PLXNB2: variants seen among roughly 807,000 people sequenced by gnomAD.
PLXNB2 encodes the protein plexin B2, also known as plexin-B2.
In PLXNB2, 85 loss-of-function variants were observed where a neutral mutation model predicts 202.6. The observed-to-expected ratio is 0.42, with a 90% CI of 0.35 to 0.50. PLXNB2 has a LOEUF of 0.50. Ranked by LOEUF, PLXNB2 falls within the 20% of genes least tolerant of loss-of-function variation. The pLI, the probability that PLXNB2 is intolerant of heterozygous loss-of-function variation, is 0.02. For missense variants in PLXNB2, 2,063 were observed against 2,586.2 expected, an observed-to-expected ratio of 0.80 and a Z score of 4.39; for synonymous variants, 1,239 against 1,137.6, an observed-to-expected ratio of 1.09 and a Z score of -1.79.
rs115683129 is a variant in PLXNB2 at position 50,286,996 on chromosome 22, G to A, written c.1762+115C>T. The A allele has an allele frequency of 3.8e-4, 411 of 1,071,724 alleles. 1 individual carries two copies. In the African/African-American group the frequency reaches 5.1e-3, roughly 13 times the overall value. 66.4% of individuals were successfully genotyped at this position (1,071,724 alleles called of 1,614,324 possible). A position where few individuals can be genotyped will look rare whatever the true frequency, so the allele number is the denominator to read the frequency against. ...TTCAGGCTGGGCCCCCGGAGCAGCC[G>A]CGGAGTGTGCCTGTGCAGAGCCTGC... On this transcript the variant is annotated intron_variant, in intron 8 of 36. Transcript: ENST00000359337.
intron 36 of PLXNB2, 35 bp from the exon 37 acceptor site, chr22:50,275,843 C>A (rs1376802679): frequency 3.7e-6 from 6 of 1,607,174 alleles, no homozygotes; most frequent in Non-Finnish European, 5.1e-6. Context: ...CACCGGGGGA[C>A]CGCCCAGCAC....
At chr22:50,300,168 G>A (rs2067590678) in intron 1 of PLXNB2, 1 of 692,320 alleles carries the variant, frequency 1.4e-6, no homozygotes, top group Admixed American at 6.3e-5. Flanking sequence ...ACCTCACCAG[G>A]CCGGGGGCCC....
chr22:50,294,852 G>T, intron 1 of PLXNB2, 74 bp from the exon 2 acceptor site: 2 of 744,730 alleles, frequency 2.7e-6, no homozygotes, highest in Non-Finnish European at 3.3e-6. Context: ...TCTGTCCCAT[G>T]CTGGTGGGGC....
chr22:50,283,693 T>C lies in PLXNB2; in HGVS notation c.2479A>G (p.Asn827Asp), dbSNP rs534546225. The C allele has an allele frequency of 1.8e-4, 283 of 1,612,764 alleles. 5 individuals are homozygous for C. The South Asian group carries it at 2.9e-3, about 17-fold the overall frequency. Residue 827 changes from asparagine (N) to aspartate (D), a missense_variant, in exon 15 of 37, where the codon AAT (asparagine) becomes GAT (aspartate). By Grantham distance (23) the Asn-to-Asp change is conservative. Transcript: ENST00000359337. ...ATGTCCCCTGCTTGGACGCCCAAATTGGACCCCAGGATGGTGATGCGGATG... is the reference window on the plus strand; with the variant it reads ...ATGTCCCCTGCTTGGACGCCCAAATCGGACCCCAGGATGGTGATGCGGATG... ...GGIRITILGS[N>D]LGVQAGDIQR...
intron 2 of PLXNB2, 80 bp from the exon 3 acceptor site, chr22:50,290,677 C>T (rs566556822): frequency 7.1e-5 from 100 of 1,399,730 alleles, no homozygotes; most frequent in East Asian, 2.0e-4. Flanking sequence ...CTGCCCCAAA[C>T]GTCAGAACAT....
In PLXNB2 at chr22:50,281,940, C is replaced by T. The variant is rs534307672; in HGVS notation, c.3259G>A (p.Gly1087Arg). 4.6e-5 allele frequency: 74 copies of T among 1,612,940 alleles called. No homozygotes were observed. Among genetic ancestry groups the T allele is most frequent in the Non-Finnish European group, 5.5e-5 (65 of 1,180,002 alleles). The part of the protein sequence containing the change: ...GHRALLRTEA[G>R]AFEYVPDPTF... ...GGGTCAGGCACGTACTCGAAGGCCC[C>T]GGCCTCTGTTCTGAGCAGGGCACGG... Residue 1087 changes from glycine to arginine, a missense_variant, in exon 20 of 37, where the codon GGG (glycine) becomes AGG (arginine). Gly to Arg is a moderately radical substitution (Grantham distance 125). Coordinates refer to ENST00000359337, the MANE Select transcript of PLXNB2 (RefSeq NM_012401.4).
chr22:50,302,624 G>A (rs975532397), intron 1 of PLXNB2, among the ~76,000 whole-genome samples: 1 of 152,180 alleles, frequency 6.6e-6, no homozygotes, highest in Non-Finnish European at 1.5e-5. Flanking sequence ...AGTCCCTCAG[G>A]GTGGTCACCA....
In PLXNB2 at chr22:50,303,588, C is replaced by T. The variant is rs1051487156; in HGVS notation, c.-74+3965G>A. ...CAGGGGGCCGTGTTCACACAGGAGGCCTTCTCAGAGGTGGACACCAAGCAC... is the reference window on the plus strand; with the variant it reads ...CAGGGGGCCGTGTTCACACAGGAGGTCTTCTCAGAGGTGGACACCAAGCAC... On this transcript the variant is annotated intron_variant, in intron 1 of 36. Transcript: ENST00000359337. Among the ~76,000 whole-genome samples the T allele has an allele frequency of 4.6e-5, 7 of 152,276 alleles. No individual in the cohort carries two copies. The South Asian group carries it at 1.2e-3, about 27-fold the overall frequency.
rs1398010637 is a variant in PLXNB2, at chr22:50,289,479, G to A, written c.1068+38C>T. 9.0e-6 allele frequency: 14 copies of A among 1,547,904 alleles called. No homozygotes were observed. The South Asian group carries it at 1.5e-4, about 17-fold the overall frequency. ...CACGCAAACCCACGAACGGACGCCT[G>A]CAGTCCGGGCCCTGCGAGAACACAC... On this transcript the variant is annotated intron_variant, in intron 3 of 36. Coordinates refer to ENST00000359337, the MANE Select transcript of PLXNB2 (RefSeq NM_012401.4). This position sits in a 1 kb window ranked among gnomAD's most constrained non-coding sequence, Gnocchi z 8.0.
chr22:50,300,414 C>T (rs2067609216), intron 1 of PLXNB2: 1 of 694,722 alleles, frequency 1.4e-6, no homozygotes, highest in South Asian at 6.4e-5. Flanking sequence ...CTCGGCCCCT[C>T]CCGGCCCAGC....
intron 2 of PLXNB2, 26 bp from the exon 3 acceptor site, chr22:50,290,623 G>T: frequency 3.3e-6 from 5 of 1,532,546 alleles, no homozygotes; most frequent in Non-Finnish European, 4.4e-6. Flanking sequence ...AGGGTCAGGG[G>T]AGCCCCGACC....
At chr22:50,292,849 G>A (rs867387499) in intron 2 of PLXNB2, among the ~76,000 whole-genome samples, 3 of 152,220 alleles carry the variant, frequency 2.0e-5, no homozygotes, top group East Asian at 3.8e-4. Flanking sequence ...GTGAGACAGC[G>A]CTGCACTGGC....
Position 50,276,001 on chromosome 22 carries a change from T to C in PLXNB2, c.5338-38A>G, listed in dbSNP as rs762794919. The C allele has an allele frequency of 5.0e-6, 8 of 1,589,148 alleles. No individual in the cohort carries two copies. In the East Asian group the frequency reaches 6.7e-5, roughly 13 times the overall value. On this transcript the variant is annotated intron_variant, in intron 35 of 36. Coordinates refer to ENST00000359337, the MANE Select transcript of PLXNB2 (RefSeq NM_012401.4). ...GGGACAGTCAGGGTGGAAAAGGGGC[T>C]GTGGGAGCCCCAGGGCTGGCAGGAG...
chr22:50,281,525 G>T (rs369407868), intron 21 of PLXNB2, 26 bp from the exon 22 acceptor site: 1 of 1,607,228 alleles, frequency 6.2e-7, no homozygotes, highest in African/African-American at 1.3e-5. Flanking sequence ...GGTTCAGCGC[G>T]GTCCCGTGGG....
rs2147341289 is a variant in PLXNB2, at chr22:50,278,923, T to C, written c.4478A>G (p.Lys1493Arg). Residue 1493 changes from lysine (K) to arginine (R), a missense_variant, in exon 28 of 37, where the codon AAG becomes AGG. Coordinates refer to ENST00000359337, the MANE Select transcript of PLXNB2 (RefSeq NM_012401.4). Reference sequence around the variant, plus strand: ...CCCACGGTACACCTGGTCAATGATCTTCTCCTTGACCTGGGAGATGGTGTC... The same window carrying C: ...CCCACGGTACACCTGGTCAATGATCCTCTCCTTGACCTGGGAGATGGTGTC... ...NCDTISQVKE[K>R]IIDQVYRGQP... is the part of the protein sequence containing the mutation. 6.2e-7 allele frequency: 1 copy of C among 1,613,612 alleles called. No individual in the cohort carries two copies. Among genetic ancestry groups the C allele is most frequent in the South Asian group, 1.1e-5 (1 of 91,090 alleles).
At position 50,288,065 on chromosome 22, in the gene PLXNB2, C is replaced by G; in HGVS notation, c.1381-28G>C. The G allele has an allele frequency of 6.6e-7, 1 of 1,521,046 alleles. No individual in the cohort carries two copies. The allele number at this position is 1,521,046 out of a possible 1,614,324, so 94.2% of individuals were successfully genotyped here. A position where few individuals can be genotyped will look rare whatever the true frequency, so the allele number is the denominator to read the frequency against. On this transcript the variant is annotated intron_variant, in intron 5 of 36. Transcript: ENST00000359337. This position sits in a 1 kb window ranked among gnomAD's most constrained non-coding sequence, Gnocchi z 5.0. ...AGGGCAGCGGGGCCGTGAGTGGGACCACAGCAGAGGCCGCACGGGCCTTCC... is the reference window on the plus strand; with the variant it reads ...AGGGCAGCGGGGCCGTGAGTGGGACGACAGCAGAGGCCGCACGGGCCTTCC...
rs1169738620 is a variant in PLXNB2 at position 50,290,417 on chromosome 22, C to G, written c.168G>C (p.Gln56His). The G allele has an allele frequency of 6.2e-7, 1 of 1,613,004 alleles. No individual in the cohort carries two copies. The highest frequency in any genetic ancestry group is 8.5e-7 in the Non-Finnish European group (1 of 1,180,006). ...GCTCCAGCTGCAGCTTCGCATCCAG[C>G]TGGTAGAGGGCATTCACCGCCCCCA... ...VYLGAVNALY[Q>H]LDAKLQLEQQ... is the part of the protein sequence containing the mutation. Residue 56 changes from glutamine (Q) to histidine (H), a missense_variant, in exon 3 of 37, where the codon CAG becomes CAC. By Grantham distance (24) the Gln-to-His change is conservative (BLOSUM62 0). This residue lies in a region of PLXNB2 where 1,303 missense variants were observed against 1,476.8 expected (regional missense o/e 0.88). Transcript: ENST00000359337.
Position 50,288,187 on chromosome 22 carries a change from G to C in PLXNB2, c.1381-150C>G, listed in dbSNP as rs1458355013. ...CTCAGGCTTGATATTAAACAGTTCT[G>C]GCTCTGGGTGGCCATGCCTGGCCCA... is the stretch of plus-strand genomic sequence containing the variant. On this transcript the variant is annotated intron_variant, in intron 5 of 36. Coordinates refer to ENST00000359337, the MANE Select transcript of PLXNB2 (RefSeq NM_012401.4). This position sits in a 1 kb window ranked among gnomAD's most constrained non-coding sequence, Gnocchi z 5.0. 6.4e-6 allele frequency: 4 copies of C among 626,928 alleles called. No individual in the cohort carries two copies. The Admixed American group carries it at 1.2e-4, about 19-fold the overall frequency. 38.8% of individuals were successfully genotyped at this position (626,928 alleles called of 1,614,324 possible).
At chr22:50,302,822 C>A (rs1324988912) in intron 1 of PLXNB2, among the ~76,000 whole-genome samples, 2 of 152,050 alleles carry the variant, frequency 1.3e-5, no homozygotes, top group Admixed American at 6.5e-5. Context: ...GGGAGGGAGG[C>A]CCTGGTGTCA....
Sources: gnomAD v4.1 joint callset for allele counts (sites outside exome capture counted in the v4.1 genomes callset) on GRCh38, gnomAD v4.1.1 for gene constraint, gnomAD v4.1.1 regional missense constraint, Gnocchi (gnomAD v3.1) non-coding constraint, MANE v1.5 for transcripts, NCBI Gene and HGNC (gene_info 2026-07-23, HGNC 2026-07-21) for gene names.